The following TMCO6 variants were observed in gnomAD, a reference collection of about 807,000 sequenced individuals.
TMCO6 encodes the protein transmembrane and coiled-coil domain-containing protein 6.
TMCO6 carries 47 observed loss-of-function variants against 61.8 expected under a neutral mutation model. The observed-to-expected ratio is 0.76, with a 90% CI of 0.60 to 0.97. The LOEUF (loss-of-function observed/expected upper bound fraction) is 0.97, where lower values mean the gene tolerates loss of function less well. Ranked by LOEUF, TMCO6 falls within the 50% of genes least tolerant of loss-of-function variation. The probability of loss-of-function intolerance (pLI) is 0.00; values close to 1 mark genes in which losing one functional copy is unlikely to be tolerated. For synonymous variants in TMCO6, 261 were observed against 254.2 expected, an observed-to-expected ratio of 1.03 and a Z score of -0.25; for missense variants, 557 against 601.6, an observed-to-expected ratio of 0.93 and a Z score of 0.78.
At chr5:140,644,781 G>A (rs574003739) in intron 11 of TMCO6, 41 bp downstream of exon 11, 1 of 1,608,938 alleles carries the variant, frequency 6.2e-7, no homozygotes, top group Admixed American at 1.7e-5. Flanking sequence ...CCCCTGTTCT[G>A]AAGCCACACA....
At chr5:140,628,498 G>T in the TMCO6 span, among the ~76,000 whole-genome samples, 1 of 151,748 alleles carries the variant, frequency 6.6e-6, no homozygotes, top group Non-Finnish European at 1.5e-5. Context: ...GAGTGTAGTG[G>T]TGAGATCTCA....
chr5:140,644,770 A>T (rs1174454096), intron 11 of TMCO6, 30 bp downstream of exon 11: 1 of 1,611,452 alleles, frequency 6.2e-7, no homozygotes, highest in Non-Finnish European at 8.5e-7. Flanking sequence ...ATCCTCAGTC[A>T]CCCCTGTTCT....
chr5:140,609,384 C>A, the TMCO6 span: 1 of 253,442 alleles, frequency 3.9e-6, no homozygotes. Context: ...AAGAGGAAAG[C>A]AGCTGCCCAC....
upstream of TMCO6, chr5:140,639,211 C>G (rs1756861529): frequency 3.2e-6 from 1 of 314,116 alleles, no homozygotes; most frequent in South Asian, 2.9e-5. Flanking sequence ...GATTGTGACA[C>G]TGCTGGCTTG....
the TMCO6 span, chr5:140,632,695 C>A: frequency 6.2e-7 from 1 of 1,613,770 alleles, no homozygotes; most frequent in Non-Finnish European, 8.5e-7. The surrounding 1 kb of genome is among the most constrained non-coding windows in gnomAD (Gnocchi z 6.2). Flanking sequence ...TGTGCGGCTC[C>A]CACTGTGAGC....
At chr5:140,626,704 C>T in the TMCO6 span, among the ~76,000 whole-genome samples, 1 of 152,172 alleles carries the variant, frequency 6.6e-6, no homozygotes, top group Non-Finnish European at 1.5e-5. Context: ...CACCATGCCA[C>T]CATGTCATGC....
chr5:140,601,359 T>G, the TMCO6 span, among the ~76,000 whole-genome samples: 1 of 152,224 alleles, frequency 6.6e-6, no homozygotes, highest in Admixed American at 6.5e-5. Context: ...TCAATCCTTA[T>G]ACTGATTTGG....
intron 6 of TMCO6, 26 bp downstream of exon 6, chr5:140,642,697 C>T (rs749000767): frequency 6.8e-6 from 11 of 1,611,966 alleles, no homozygotes; most frequent in Non-Finnish European, 9.3e-6. Context: ...TTTAGATGTG[C>T]AGCCAGAGGT....
downstream of TMCO6, among the ~76,000 whole-genome samples, chr5:140,646,387 T>C (rs1757402221): frequency 6.6e-6 from 1 of 152,138 alleles, no homozygotes; most frequent in African/African-American, 2.4e-5. Context: ...CTCGTGTCTA[T>C]CTCCTCCTGT....
intron 11 of TMCO6, 52 bp from the exon 12 acceptor site, chr5:140,644,933 G>A: frequency 6.3e-7 from 1 of 1,583,832 alleles, no homozygotes; most frequent in Non-Finnish European, 8.7e-7. Context: ...TGTGGGAATT[G>A]AGTCTTAGGA....
At chr5:140,599,046 G>A in the TMCO6 span, among the ~76,000 whole-genome samples, 1 of 152,204 alleles carries the variant, frequency 6.6e-6, no homozygotes, top group African/African-American at 2.4e-5. Context: ...CCAGCTATGT[G>A]TGAGGCCTTC....
At chr5:140,611,587 C>T in the TMCO6 span, among the ~76,000 whole-genome samples, 1 of 152,186 alleles carries the variant, frequency 6.6e-6, no homozygotes, top group Non-Finnish European at 1.5e-5. Flanking sequence ...TCCAAGATGA[C>T]AGTGCTCCTG....
chr5:140,630,469 T>C, the TMCO6 span, among the ~76,000 whole-genome samples: 2 of 152,210 alleles, frequency 1.3e-5, no homozygotes, highest in African/African-American at 2.4e-5. Context: ...CTATCTTTTA[T>C]GTGTTCCCCC....
chr5:140,605,692 AACACACAC>A, the TMCO6 span, among the ~76,000 whole-genome samples: 2,078 of 118,652 alleles, frequency 0.018, 74 homozygotes, highest in African/African-American at 0.059. Context: ...AAAAAAACAA[AACACACAC>A]ACACACACAC....
chr5:140,623,753 T>TA, the TMCO6 span, among the ~76,000 whole-genome samples: 86 of 152,174 alleles, frequency 5.7e-4, no homozygotes, highest in African/African-American at 2.0e-3. Flanking sequence ...TAAAACATTT[T>TA]AAAAAAATAG....
At chr5:140,606,183 T>C in the TMCO6 span, among the ~76,000 whole-genome samples, 12 of 136,184 alleles carry the variant, frequency 8.8e-5, no homozygotes, top group East Asian at 2.1e-4. Flanking sequence ...TTTTTTTTTT[T>C]CCAGGGTCTC....
At chr5:140,634,229 C>G in the TMCO6 span, among the ~76,000 whole-genome samples, 1 of 152,132 alleles carries the variant, frequency 6.6e-6, no homozygotes, top group African/African-American at 2.4e-5. Flanking sequence ...GTTGCTCTCT[C>G]CTGCCCTCCC....
chr5:140,642,199 C>A (rs2149793405), intron 4 of TMCO6, 116 bp from the exon 5 acceptor site: 1 of 1,392,572 alleles, frequency 7.2e-7, no homozygotes, highest in African/African-American at 1.4e-5. Flanking sequence ...TCCCCACCCT[C>A]TTGTGAGCCG....
downstream of TMCO6, chr5:140,646,998 C>A: frequency 4.6e-6 from 2 of 433,780 alleles, no homozygotes; most frequent in East Asian, 4.0e-5. Context: ...CTGTCTGAAG[C>A]CCATTCTTAA....
Sources: gnomAD v4.1 joint callset for allele counts (sites outside exome capture counted in the v4.1 genomes callset) on GRCh38, gnomAD v4.1.1 for gene constraint, Gnocchi (gnomAD v3.1) non-coding constraint, MANE v1.5 for transcripts, NCBI Gene and HGNC (gene_info 2026-07-23, HGNC 2026-07-21) for gene names.